ZNF407: variants seen among roughly 807,000 people sequenced by gnomAD.
The protein encoded by ZNF407 is zinc finger protein 407.
A neutral mutation model predicts 131.2 loss-of-function variants in ZNF407; 17 were observed. That is an observed-to-expected ratio of 0.13 (90% CI 0.09 to 0.19). The LOEUF (loss-of-function observed/expected upper bound fraction) is 0.19, where lower values mean the gene tolerates loss of function less well. Ranked by LOEUF, ZNF407 falls within the 10% of genes least tolerant of loss-of-function variation. The probability of loss-of-function intolerance (pLI) is 1.00; values close to 1 mark genes in which losing one functional copy is unlikely to be tolerated. For synonymous variants in ZNF407, 1,156 were observed against 1,062.0 expected, an observed-to-expected ratio of 1.09 and a Z score of -1.72; for missense variants, 2,681 against 2,830.6, an observed-to-expected ratio of 0.95 and a Z score of 1.20.
At chr18:74,903,065 TGA>T (rs1403452183) in intron 7 of ZNF407, among the ~76,000 whole-genome samples, 1 of 152,190 alleles carries the variant, frequency 6.6e-6, no homozygotes, top group Non-Finnish European at 1.5e-5. Context: ...GAGCTTGTGG[TGA>T]CTTATGTGAC....
chr18:75,057,698 T>TA (rs922865499), intron 8 of ZNF407, among the ~76,000 whole-genome samples: 3 of 152,180 alleles, frequency 2.0e-5, no homozygotes, highest in Admixed American at 6.5e-5. Context: ...AATGGAGTAT[T>TA]ATGCTCTATG....
intron 3 of ZNF407, among the ~76,000 whole-genome samples, chr18:74,749,803 T>C (rs1968756733): frequency 6.6e-6 from 1 of 152,122 alleles, no homozygotes; most frequent in Admixed American, 6.6e-5. Flanking sequence ...GGAATAAAAC[T>C]CCAAATAATA....
At chr18:74,674,555 GT>G (rs1242350779) in intron 3 of ZNF407, among the ~76,000 whole-genome samples, 1 of 152,020 alleles carries the variant, frequency 6.6e-6, no homozygotes, top group Non-Finnish European at 1.5e-5. Flanking sequence ...TATTATTTTG[GT>G]TTTGTTTATT....
chr18:74,786,593 GTCAGTTC>G (rs933751944), intron 4 of ZNF407, among the ~76,000 whole-genome samples: 1 of 151,838 alleles, frequency 6.6e-6, no homozygotes, highest in African/African-American at 2.4e-5. Context: ...AGGAAAACAT[GTCAGTTC>G]TTTCCATTCT....
In ZNF407 at chr18:74,879,243, G is replaced by A. The variant is rs1383462202; in HGVS notation, c.5045-1793G>A. On this transcript the variant is annotated intron_variant, in intron 5 of 8. Transcript: ENST00000299687. ...GCCACAAAGAAGTTCATAAATGACA[G>A]AAAGGAAGAATACTTGAATCCAGAA... Among the ~76,000 whole-genome samples the A allele has an allele frequency of 2.0e-5, 3 of 152,148 alleles. No individual in the cohort carries two copies. In the East Asian group the frequency reaches 5.8e-4, roughly 29 times the overall value.
At chr18:74,672,279 T>C (rs1986169903) in intron 3 of ZNF407, among the ~76,000 whole-genome samples, 3 of 152,228 alleles carry the variant, frequency 2.0e-5, no homozygotes, top group Admixed American at 2.0e-4. Context: ...TTGTGGTTTT[T>C]ATTTGCATTT....
In ZNF407 at chr18:75,040,575, G is replaced by A. The variant is rs75074789; in HGVS notation, c.5429-22575G>A. Reference sequence around the variant, plus strand: ...GAATTGGCTACACGTGGTTTCAGCCGCAACATAATCAAACCATTAGGCATT... The same window carrying A: ...GAATTGGCTACACGTGGTTTCAGCCACAACATAATCAAACCATTAGGCATT... On this transcript the variant is annotated intron_variant, in intron 8 of 8. Transcript: ENST00000299687. 5.2e-4 allele frequency among the ~76,000 whole-genome samples: 79 copies of A among 152,136 alleles called. 1 individual carries two copies. The East Asian group carries it at 0.013, about 26-fold the overall frequency.
intron 4 of ZNF407, among the ~76,000 whole-genome samples, chr18:74,837,513 C>T (rs1342564654): frequency 6.6e-6 from 1 of 151,866 alleles, no homozygotes; most frequent in Non-Finnish European, 1.5e-5. Flanking sequence ...TCAACCACTT[C>T]TAATATTATT....
intron 6 of ZNF407, among the ~76,000 whole-genome samples, chr18:74,883,886 G>A (rs959097292): frequency 2.0e-5 from 3 of 152,120 alleles, no homozygotes; most frequent in Admixed American, 6.5e-5. Flanking sequence ...AAACTAATAG[G>A]TACTGTTATG....
At chr18:74,920,329 A>G (rs1475815732) in intron 7 of ZNF407, among the ~76,000 whole-genome samples, 185 bp from the exon 8 acceptor site, 6 of 152,234 alleles carry the variant, frequency 3.9e-5, no homozygotes, top group Non-Finnish European at 8.8e-5. Flanking sequence ...TTAAAAATTC[A>G]TACCAGGGTT....
chr18:75,063,746 G>T lies in ZNF407; in HGVS notation c.6025G>T (p.Glu2009Ter). The change falls in exon 9 of 9, where the codon GAG becomes TAG. Residue 2009 changes from glutamate to a stop codon, truncating the protein, a stop_gained. Transcript: ENST00000299687. LOFTEE classifies it low-confidence loss of function (END_TRUNC). This position sits in a 1 kb window ranked among gnomAD's most constrained non-coding sequence, Gnocchi z 6.6. ...GGAGGTGGAGGGCAGGGCTGGGCTC[G>T]AGGAGCAAGGCAGGCCCGGCGCCAA... ...LGEVEGRAGL[E>*]EQGRPGAKDV... The T allele has an allele frequency of 6.2e-7, 1 of 1,612,014 alleles. No homozygotes were observed. Among genetic ancestry groups the T allele is most frequent in the South Asian group, 1.1e-5 (1 of 91,040 alleles).
Position 74,954,296 on chromosome 18 carries a change from A to G in ZNF407, c.5428+33604A>G, listed in dbSNP as rs13381699. Among the ~76,000 whole-genome samples, 292 of 152,332 alleles carry G rather than the reference A, an allele frequency of 1.9e-3. 3 individuals are homozygous for G. Among genetic ancestry groups the G allele is most frequent in the African/African-American group, 6.8e-3 (281 of 41,584 alleles). On this transcript the variant is annotated intron_variant, in intron 8 of 8. Coordinates refer to ENST00000299687, the MANE Select transcript of ZNF407 (RefSeq NM_017757.3). ...ACTTCTGAGTAATTATTTTCAAAATAGATACTTGTGTTACTGTGATCTCTT... is the reference window on the plus strand; with the variant it reads ...ACTTCTGAGTAATTATTTTCAAAATGGATACTTGTGTTACTGTGATCTCTT...
At chr18:74,756,194 A>G (rs773496614) in intron 3 of ZNF407, among the ~76,000 whole-genome samples, 2 of 151,902 alleles carry the variant, frequency 1.3e-5, no homozygotes, top group Admixed American at 6.6e-5. Context: ...GCCTGGCCAT[A>G]TATTTCATTT....
rs533385987 is a variant in ZNF407 at position 74,674,876 on chromosome 18, C to T, written c.4802+33754C>T. ...CCATACCCCCTCGCTGGGTAGTGTCCATTAATAACATGGCTTTAAAAAGTG... is the reference window on the plus strand; with the variant it reads ...CCATACCCCCTCGCTGGGTAGTGTCTATTAATAACATGGCTTTAAAAAGTG... On this transcript the variant is annotated intron_variant, in intron 3 of 8. Transcript: ENST00000299687. Among the ~76,000 whole-genome samples, 45 of 152,282 alleles carry T rather than the reference C, an allele frequency of 3.0e-4. 1 individual carries two copies. The highest frequency in any genetic ancestry group is 6.3e-4 in the Non-Finnish European group (43 of 68,020).
intron 4 of ZNF407, among the ~76,000 whole-genome samples, chr18:74,857,543 G>A (rs1970875939): frequency 6.6e-6 from 1 of 151,980 alleles, no homozygotes; most frequent in African/African-American, 2.4e-5. Flanking sequence ...TGATTCTTGT[G>A]ATGGAAAATG....
At chr18:74,870,016 T>C (rs1025690528) in intron 4 of ZNF407, among the ~76,000 whole-genome samples, 2 of 152,202 alleles carry the variant, frequency 1.3e-5, no homozygotes, top group Non-Finnish European at 2.9e-5. Context: ...AGCAGAGATT[T>C]TGAAAGATGA....
intron 8 of ZNF407, among the ~76,000 whole-genome samples, chr18:74,952,851 G>T (rs1176777373): frequency 6.6e-6 from 1 of 152,214 alleles, no homozygotes; most frequent in Non-Finnish European, 1.5e-5. Flanking sequence ...GGGAAGGCCA[G>T]GGCCGTGAAA....
rs748053641 is a variant in ZNF407 at position 74,634,483 on chromosome 18, A to G, written c.3464A>G (p.Glu1155Gly). The G allele has an allele frequency of 3.1e-6, 5 of 1,613,812 alleles. No individual in the cohort carries two copies. The highest frequency in any genetic ancestry group is 3.3e-4 in the Middle Eastern group (2 of 6,062). The change falls in exon 2 of 9, where the codon GAA (glutamate) becomes GGA (glycine). Residue 1155 changes from glutamate (E) to glycine (G), a missense_variant. Coordinates refer to ENST00000299687, the MANE Select transcript of ZNF407 (RefSeq NM_017757.3). ...ADSVEVETEE[E>G]SNFNEDHSFC... ...TCTGTAGAAGTTGAGACTGAAGAAGAATCTAATTTCAATGAAGACCATTCC... is the reference window on the plus strand; with the variant it reads ...TCTGTAGAAGTTGAGACTGAAGAAGGATCTAATTTCAATGAAGACCATTCC...
At chr18:74,828,853 T>A (rs960646262) in intron 4 of ZNF407, among the ~76,000 whole-genome samples, 2 of 152,252 alleles carry the variant, frequency 1.3e-5, no homozygotes, top group Non-Finnish European at 2.9e-5. Flanking sequence ...CATTGTTGCC[T>A]TATTGGATTA....
Sources: allele counts gnomAD v4.1 joint callset (sites outside exome capture counted in the v4.1 genomes callset), GRCh38; gene constraint gnomAD v4.1.1; non-coding constraint Gnocchi (gnomAD v3.1); transcripts MANE v1.5; gene names NCBI Gene and HGNC (gene_info 2026-07-23, HGNC 2026-07-21).